The following RAB18 variants were observed in gnomAD, a reference collection of about 807,000 sequenced individuals.
RAB18 encodes the protein RAB18, member RAS oncogene family.
Under a neutral mutation model 28.5 loss-of-function variants are expected in RAB18, and 10 were observed. The observed-to-expected ratio is 0.35, with a 90% confidence interval of 0.22 to 0.60. The LOEUF is 0.60. RAB18 is among the 20% of genes least tolerant of loss of function. The pLI is 0.78. For missense variants in RAB18, 188 were observed against 244.2 expected (o/e 0.77, Z 1.53); for synonymous variants, 93 against 86.9 (o/e 1.07, Z -0.39).
In RAB18 at chr10:27,539,749, T is replaced by C. The variant is rs924561669; in HGVS notation, c.*1698T>C. ...TGAATATATATGAGTTACTTGAATA[T>C]AACAAAAATGAATTTTGTTTGATAG... On this transcript the variant is annotated 3_prime_UTR_variant, in exon 7 of 7. Transcript: ENST00000356940. 5 of 450,580 alleles carry C rather than the reference T, an allele frequency of 1.1e-5. No individual in the cohort carries two copies. The highest frequency in any genetic ancestry group is 1.0e-4 in the African/African-American group (5 of 49,718). 27.9% of individuals were successfully genotyped at this position (450,580 alleles called of 1,614,324 possible).
chr10:27,508,889 T>G (rs1834265254), intron 1 of RAB18, among the ~76,000 whole-genome samples: 1 of 152,192 alleles, frequency 6.6e-6, no homozygotes, highest in Admixed American at 6.5e-5. Flanking sequence ...TTTGATTTTA[T>G]TCATGCAAAC....
intron 1 of RAB18, among the ~76,000 whole-genome samples, chr10:27,507,836 G>A (rs1315729860): frequency 3.3e-5 from 5 of 151,646 alleles, no homozygotes; most frequent in African/African-American, 7.3e-5. Context: ...CCAGGAGTCC[G>A]AGACCAGCTT....
chr10:27,506,315 C>T (rs1328819957), intron 1 of RAB18, among the ~76,000 whole-genome samples: 1 of 151,892 alleles, frequency 6.6e-6, no homozygotes. Flanking sequence ...AAACAAAATT[C>T]CTCTGCTCTA....
At chr10:27,507,546 C>CTTTT (rs11459156) in intron 1 of RAB18, among the ~76,000 whole-genome samples, 1 of 136,424 alleles carries the variant, frequency 7.3e-6, no homozygotes, top group South Asian at 2.4e-4. Flanking sequence ...CTTGCCTTCC[C>CTTTT]TTTTTTTTTT....
rs1834969649 is a variant in RAB18 at position 27,539,220 on chromosome 10, T to C, written c.*1169T>C. On this transcript the variant is annotated 3_prime_UTR_variant, in exon 7 of 7. Coordinates refer to ENST00000356940, the MANE Select transcript of RAB18 (RefSeq NM_021252.5). ...TAGATTTTTTTCATTCATGTGTTAT[T>C]TAATTTACACTGATCTCTGCTATTT... 1 of 332,620 alleles carries C rather than the reference T, an allele frequency of 3.0e-6. No homozygotes were observed. Among genetic ancestry groups the C allele is most frequent in the African/African-American group, 2.2e-5 (1 of 46,230 alleles). 20.6% of individuals were successfully genotyped at this position (332,620 alleles called of 1,614,324 possible). A position where few individuals can be genotyped will look rare whatever the true frequency, so the allele number is the denominator to read the frequency against.
intron 3 of RAB18, chr10:27,528,328 C>G (rs1361005349): frequency 2.0e-6 from 1 of 493,176 alleles, no homozygotes. Context: ...AGGTTTTCCC[C>G]CTGGCTGTAA....
chr10:27,504,510 C>T, intron 1 of RAB18, 73 bp downstream of exon 1: 2 of 1,485,200 alleles, frequency 1.3e-6, no homozygotes, highest in Admixed American at 2.0e-5. Context: ...TCTCCTGGGC[C>T]GCGACGGGAA....
chr10:27,527,002 CT>C (rs749723278), intron 3 of RAB18, 113 bp downstream of exon 3: 4 of 1,160,438 alleles, frequency 3.4e-6, no homozygotes, highest in Non-Finnish European at 5.2e-6. Flanking sequence ...TATTAAATAA[CT>C]TTTGGGAGAT....
intron 3 of RAB18, among the ~76,000 whole-genome samples, chr10:27,527,990 C>T (rs532231552): frequency 2.6e-4 from 39 of 152,172 alleles, no homozygotes; most frequent in African/African-American, 9.4e-4. Flanking sequence ...TAATGTCTAA[C>T]AGAAAACAAT....
In RAB18 at chr10:27,533,803, T is replaced by C. The variant is rs775791521; in HGVS notation, c.328T>C (p.Cys110Arg). The C allele has an allele frequency of 6.2e-7, 1 of 1,613,756 alleles. No individual in the cohort carries two copies. The highest frequency in any genetic ancestry group is 8.5e-7 in the Non-Finnish European group (1 of 1,179,770). Residue 110 changes from cysteine (C) to arginine (R), a missense_variant, in exon 5 of 7, where the codon TGT becomes CGT. Coordinates refer to ENST00000356940, the MANE Select transcript of RAB18 (RefSeq NM_021252.5). ...DNWLNELETYCTRNDIVNMLV... is the reference protein window; with the variant it reads ...DNWLNELETYRTRNDIVNMLV... ...TTGGTTAAATGAATTGGAAACATAC[T>C]GTACAAGAAATGACATAGTAAACAT...
intron 6 of RAB18, among the ~76,000 whole-genome samples, chr10:27,535,528 A>G (rs1834876258): frequency 6.6e-6 from 1 of 152,188 alleles, no homozygotes; most frequent in Non-Finnish European, 1.5e-5. Context: ...TTCAAATGGT[A>G]AAGAGATGGA....
chr10:27,521,757 C>T (rs1274403879), intron 2 of RAB18, among the ~76,000 whole-genome samples: 4 of 151,906 alleles, frequency 2.6e-5, no homozygotes, highest in Non-Finnish European at 5.9e-5. Context: ...GCACACTGCC[C>T]GGTTGATGGG....
At chr10:27,511,353 C>T (rs1834318773) in intron 2 of RAB18, among the ~76,000 whole-genome samples, 1 of 152,120 alleles carries the variant, frequency 6.6e-6, no homozygotes, top group Non-Finnish European at 1.5e-5. Context: ...CAGGCACATG[C>T]CACTGCGCCT....
At chr10:27,508,601 T>C (rs528131850) in intron 1 of RAB18, among the ~76,000 whole-genome samples, 122 of 152,328 alleles carry the variant, frequency 8.0e-4, no homozygotes, top group South Asian at 1.7e-3. Flanking sequence ...AGTAACTAAA[T>C]ATAGTCAAGA....
intron 2 of RAB18, among the ~76,000 whole-genome samples, chr10:27,518,424 AAATTTTAACC>A: frequency 6.6e-6 from 1 of 152,268 alleles, no homozygotes; most frequent in East Asian, 1.9e-4. Context: ...AGCCTTATTT[AAATTTTAACC>A]ATATTTTCAA....
At chr10:27,530,119 A>G (rs1238007306) in intron 3 of RAB18, among the ~76,000 whole-genome samples, 5 of 152,048 alleles carry the variant, frequency 3.3e-5, no homozygotes, top group Non-Finnish European at 7.4e-5. Context: ...AACAAAGTTC[A>G]TGTTCACTTG....
chr10:27,532,466 A>G lies in RAB18; in HGVS notation c.187-41A>G, dbSNP rs12265154. 1.9e-3 allele frequency: 2,651 copies of G among 1,432,524 alleles called. 25 individuals carry two copies. In the African/African-American group the frequency reaches 0.03, roughly 16 times the overall value. 88.7% of individuals were successfully genotyped at this position (1,432,524 alleles called of 1,614,324 possible). ...TCTTAAACTAGTATATTGAAGGTCT[A>G]TTTATACTTTGTTTAATTTAATAAT... On this transcript the variant is annotated intron_variant, in intron 3 of 6. Coordinates refer to ENST00000356940, the MANE Select transcript of RAB18 (RefSeq NM_021252.5).
chr10:27,533,490 T>C (rs1318774333), intron 4 of RAB18, among the ~76,000 whole-genome samples: 4 of 152,106 alleles, frequency 2.6e-5, no homozygotes, highest in Non-Finnish European at 4.4e-5. Context: ...TTTTCACTTA[T>C]TACACAGGAT....
rs201957235 is a variant in RAB18 at position 27,509,954 on chromosome 10, A to G, written c.124+24A>G. 85 of 1,580,360 alleles carry G rather than the reference A, an allele frequency of 5.4e-5. No individual in the cohort carries two copies. In the Admixed American group the frequency reaches 6.5e-4, roughly 12 times the overall value. On this transcript the variant is annotated intron_variant, in intron 2 of 6. Transcript: ENST00000356940. ...AGGTAAGCCTGTGTTTAAAAATTCT[A>G]TAGAAATGGCCAGTATTTTCTTGCC...
Sources: allele counts gnomAD v4.1 joint callset (sites outside exome capture counted in the v4.1 genomes callset), GRCh38; gene constraint gnomAD v4.1.1; transcripts MANE v1.5; gene names NCBI Gene and HGNC (gene_info 2026-07-23, HGNC 2026-07-21).